FBXL17: variants seen among roughly 807,000 people sequenced by gnomAD.
FBXL17 encodes the protein F-box and leucine rich repeat protein 17, also known as F-box/LRR-repeat protein 17.
A neutral mutation model predicts 66.2 loss-of-function variants in FBXL17; 22 were observed. That is an observed-to-expected ratio of 0.33 (90% CI 0.24 to 0.47). The LOEUF (loss-of-function observed/expected upper bound fraction) is 0.47. Among genes scored for constraint, FBXL17 ranks in the 20% least tolerant of loss-of-function variants. The pLI is 1.00. For synonymous variants in FBXL17, 474 were observed against 400.5 expected (o/e 1.18, Z -2.19); for missense variants, 878 against 948.2 (o/e 0.93, Z 0.97).
intron 4 of FBXL17, among the ~76,000 whole-genome samples, chr5:108,283,794 C>T (rs1266504387): frequency 6.6e-6 from 1 of 151,686 alleles, no homozygotes; most frequent in East Asian, 1.9e-4. Context: ...CAACAGGGGA[C>T]TAATATACAG....
At chr5:108,028,145 G>A (rs1206879094) in intron 6 of FBXL17, among the ~76,000 whole-genome samples, 1 of 152,080 alleles carries the variant, frequency 6.6e-6, no homozygotes, top group Non-Finnish European at 1.5e-5. Flanking sequence ...TACAATCTAG[G>A]TTAATGAATT....
chr5:107,959,017 A>C (rs1751784530), intron 7 of FBXL17, among the ~76,000 whole-genome samples: 1 of 152,172 alleles, frequency 6.6e-6, no homozygotes, highest in African/African-American at 2.4e-5. Context: ...TAGCATCAGG[A>C]AGTGACTTGA....
intron 8 of FBXL17, among the ~76,000 whole-genome samples, chr5:107,869,125 G>T (rs1290318974): frequency 6.6e-6 from 1 of 152,118 alleles, no homozygotes; most frequent in African/African-American, 2.4e-5. Context: ...TCAGGGCTTG[G>T]GACTTCACAC....
intron 4 of FBXL17, among the ~76,000 whole-genome samples, chr5:108,224,878 T>C (rs556137338): frequency 6.6e-6 from 1 of 152,286 alleles, no homozygotes; most frequent in Non-Finnish European, 1.5e-5. Flanking sequence ...TCCAGCCTCC[T>C]TGGCCTCCCA....
At chr5:107,880,806 T>C in intron 8 of FBXL17, 1 of 1,352,440 alleles carries the variant, frequency 7.4e-7, no homozygotes, top group East Asian at 2.6e-5. Flanking sequence ...TTACTTTTTC[T>C]TTCTACTTAA....
At chr5:108,089,358 C>T (rs1262092932) in intron 6 of FBXL17, among the ~76,000 whole-genome samples, 2 of 152,208 alleles carry the variant, frequency 1.3e-5, no homozygotes, top group South Asian at 2.1e-4. Context: ...CTAATCTCTT[C>T]CTTTTTCCTA....
chr5:108,234,761 G>A (rs879337253), intron 4 of FBXL17, among the ~76,000 whole-genome samples: 6 of 152,150 alleles, frequency 3.9e-5, no homozygotes, highest in Non-Finnish European at 7.3e-5. Context: ...GAGAGTTAGG[G>A]GAATCTAATT....
intron 6 of FBXL17, among the ~76,000 whole-genome samples, chr5:108,031,866 A>C (rs1384164871): frequency 6.6e-6 from 1 of 152,138 alleles, no homozygotes; most frequent in Non-Finnish European, 1.5e-5. Context: ...GTGTGTTTAG[A>C]ACCTGGTACT....
intron 4 of FBXL17, among the ~76,000 whole-genome samples, chr5:108,250,969 A>G (rs761901584): frequency 6.6e-6 from 1 of 151,996 alleles, no homozygotes; most frequent in Non-Finnish European, 1.5e-5. Flanking sequence ...AAAATTATAT[A>G]ATCAATTCCA....
chr5:108,340,261 G>A (rs549490926), intron 4 of FBXL17, among the ~76,000 whole-genome samples: 24 of 151,364 alleles, frequency 1.6e-4, no homozygotes, highest in African/African-American at 5.6e-4. Context: ...TCAAAAAAAC[G>A]TGTTTTAGGC....
At chr5:108,211,464 T>C (rs895159725) in intron 5 of FBXL17, among the ~76,000 whole-genome samples, 2 of 152,210 alleles carry the variant, frequency 1.3e-5, no homozygotes, top group Admixed American at 1.3e-4. Flanking sequence ...TGGCTGGTAC[T>C]GGTTTCTCCT....
At chr5:108,314,796 T>C (rs182152469) in intron 4 of FBXL17, among the ~76,000 whole-genome samples, 141 of 151,692 alleles carry the variant, frequency 9.3e-4, no homozygotes, top group African/African-American at 3.2e-3. Flanking sequence ...TATAACATTT[T>C]ATAATTTATA....
At chr5:108,194,447 C>T (rs1753595995) in intron 5 of FBXL17, among the ~76,000 whole-genome samples, 1 of 152,112 alleles carries the variant, frequency 6.6e-6, no homozygotes, top group African/African-American at 2.4e-5. Flanking sequence ...CATATCTATG[C>T]TCTTTAAATG....
At chr5:107,991,561 T>A (rs1434594418) in intron 7 of FBXL17, among the ~76,000 whole-genome samples, 2 of 152,216 alleles carry the variant, frequency 1.3e-5, no homozygotes, top group Non-Finnish European at 2.9e-5. Flanking sequence ...ATATTGGTTT[T>A]GGAGTGTCAG....
chr5:107,897,738 C>T (rs1458458349), intron 7 of FBXL17, among the ~76,000 whole-genome samples: 1 of 151,522 alleles, frequency 6.6e-6, no homozygotes, highest in African/African-American at 2.4e-5. Flanking sequence ...CCAGATACAA[C>T]ATGTAACAGT....
chr5:108,366,214 C>G (rs1748652799), intron 2 of FBXL17, among the ~76,000 whole-genome samples: 1 of 152,012 alleles, frequency 6.6e-6, no homozygotes, highest in African/African-American at 2.4e-5. Context: ...TCAGACGACT[C>G]AATTCATCTG....
intron 5 of FBXL17, among the ~76,000 whole-genome samples, chr5:108,190,499 A>G (rs1431725839): frequency 6.6e-6 from 1 of 152,204 alleles, no homozygotes; most frequent in Non-Finnish European, 1.5e-5. Flanking sequence ...ACTTTATGAA[A>G]ATACTTGCAC....
chr5:108,165,610 C>T (rs962222634), intron 6 of FBXL17, among the ~76,000 whole-genome samples: 1 of 152,184 alleles, frequency 6.6e-6, no homozygotes, highest in African/African-American at 2.4e-5. Context: ...AGCATATAGG[C>T]TTCACCTTCA....
At chr5:108,132,000 G>A (rs1402329394) in intron 6 of FBXL17, among the ~76,000 whole-genome samples, 1 of 149,034 alleles carries the variant, frequency 6.7e-6, no homozygotes, top group Non-Finnish European at 1.5e-5. Flanking sequence ...TTTTTAGGCG[G>A]AGTTTCACTC....
Sources: allele counts gnomAD v4.1 joint callset (sites outside exome capture counted in the v4.1 genomes callset), GRCh38; gene constraint gnomAD v4.1.1; transcripts MANE v1.5; gene names NCBI Gene and HGNC (gene_info 2026-07-23, HGNC 2026-07-21).